The following DLGAP1 variants were observed in gnomAD, a reference collection of about 807,000 sequenced individuals.
The protein encoded by DLGAP1 is disks large-associated protein 1.
DLGAP1 carries 11 observed loss-of-function variants against 90.8 expected under a neutral mutation model. The ratio of observed to expected loss-of-function variants is 0.12; its 90% CI spans 0.08 to 0.20. The LOEUF is 0.20. DLGAP1 is among the 10% of genes least tolerant of loss of function. DLGAP1 has a pLI of 1.00. For missense variants in DLGAP1, 1,050 were observed against 1,333.8 expected (o/e 0.79, Z 3.31); for synonymous variants, 558 against 540.7 (o/e 1.03, Z -0.44).
intron 9 of DLGAP1, among the ~76,000 whole-genome samples, chr18:3,535,246 G>GA (rs1209514323): frequency 6.6e-6 from 1 of 152,046 alleles, no homozygotes; most frequent in East Asian, 1.9e-4. Context: ...TTTATAGGTG[G>GA]AAAAGTGCTG....
intron 10 of DLGAP1, 42 bp downstream of exon 10, chr18:3,534,152 C>T (rs767689981): frequency 2.7e-5 from 43 of 1,579,462 alleles, no homozygotes; most frequent in Non-Finnish European, 3.6e-5. Flanking sequence ...AAAGCAACCC[C>T]AGCCCCAGGG....
chr18:4,157,871 A>G (rs1350617339), intron 1 of DLGAP1, among the ~76,000 whole-genome samples: 1 of 152,168 alleles, frequency 6.6e-6, no homozygotes, highest in Non-Finnish European at 1.5e-5. Flanking sequence ...TGGAACCAGA[A>G]CTTCCTTCAA....
At chr18:3,502,689 T>C (rs1261874548) in intron 11 of DLGAP1, 44 bp from the exon 12 acceptor site, 1 of 1,582,238 alleles carries the variant, frequency 6.3e-7, no homozygotes, top group Non-Finnish European at 8.6e-7. Context: ...GAAGCAATTC[T>C]TGACAAGCAC....
intron 7 of DLGAP1, among the ~76,000 whole-genome samples, chr18:3,700,758 C>T (rs1465154170): frequency 6.6e-6 from 1 of 152,030 alleles, no homozygotes; most frequent in African/African-American, 2.4e-5. Context: ...TACAGGCGCC[C>T]ACCACCACGC....
chr18:3,737,176 G>A (rs1453290985), intron 6 of DLGAP1, among the ~76,000 whole-genome samples: 2 of 148,682 alleles, frequency 1.3e-5, no homozygotes, highest in Admixed American at 6.7e-5. Context: ...ATTCACAGCC[G>A]AATTCTACCA....
chr18:3,584,653 T>C lies in DLGAP1; in HGVS notation c.1592-2405A>G, dbSNP rs149115442. ...CTGGGATGGGGAAAGACAAGGTGCA[T>C]GACATAGAGGCAGTCACCCCTCATT... On this transcript the variant is annotated intron_variant, in intron 7 of 12. Transcript: ENST00000315677. Among the ~76,000 whole-genome samples the C allele has an allele frequency of 5.6e-3, 856 of 152,208 alleles. 8 individuals are homozygous for C. The highest frequency in any genetic ancestry group is 0.019 in the African/African-American group (805 of 41,528).
chr18:4,022,841 C>T (rs2149115469), intron 2 of DLGAP1, among the ~76,000 whole-genome samples: 1 of 122,748 alleles, frequency 8.1e-6, no homozygotes, highest in South Asian at 2.6e-4. Context: ...ATATCTTCAC[C>T]AGCATTTGAT....
At chr18:4,352,602 C>G (rs920005893) in intron 1 of DLGAP1, among the ~76,000 whole-genome samples, 2 of 152,088 alleles carry the variant, frequency 1.3e-5, no homozygotes, top group African/African-American at 4.8e-5. Flanking sequence ...CATCTTCTAG[C>G]AGTCAAACAA....
At chr18:4,018,314 A>G (rs1031047112) in intron 2 of DLGAP1, among the ~76,000 whole-genome samples, 4 of 152,206 alleles carry the variant, frequency 2.6e-5, no homozygotes, top group African/African-American at 9.7e-5. Context: ...GCCCAAACTG[A>G]AGCAGTGGGG....
chr18:3,660,392 C>T lies in DLGAP1; in HGVS notation c.1591+68743G>A, dbSNP rs115598842. ...CATCTGCGTCCTTGTTTACCTCTGT[C>T]CTCCTCATTAGAATATAATCAGAAG... On this transcript the variant is annotated intron_variant, in intron 7 of 12. Coordinates refer to ENST00000315677, the MANE Select transcript of DLGAP1 (RefSeq NM_004746.4). The surrounding 1 kb of genome is among the most constrained non-coding windows in gnomAD (Gnocchi z 4.2). 9.1e-3 allele frequency among the ~76,000 whole-genome samples: 1,392 copies of T among 152,316 alleles called. 25 individuals carry two copies. The highest frequency in any genetic ancestry group is 0.031 in the African/African-American group (1,294 of 41,554).
Position 3,957,470 on chromosome 18 carries a change from G to A in DLGAP1, c.-73+47646C>T, listed in dbSNP as rs781375235. ...TGGTAATTTGTTATAGCAGCACTAG[G>A]AAATTAATACACTTACATTCAGGGG... On this transcript the variant is annotated intron_variant, in intron 3 of 12. Transcript: ENST00000315677. Among the ~76,000 whole-genome samples the A allele has an allele frequency of 1.2e-4, 18 of 152,146 alleles. 1 individual carries two copies. Among genetic ancestry groups the A allele is most frequent in the Non-Finnish European group, 2.2e-4 (15 of 68,034 alleles).
intron 1 of DLGAP1, 106 bp from the exon 2 acceptor site, chr18:4,151,393 C>G (rs527484371): frequency 6.6e-6 from 1 of 152,178 alleles, no homozygotes; most frequent in Admixed American, 6.5e-5. Context: ...ATATTCAATG[C>G]TGTTAAGAAG....
intron 2 of DLGAP1, among the ~76,000 whole-genome samples, chr18:4,129,843 T>C (rs1001917828): frequency 1.3e-5 from 2 of 152,160 alleles, no homozygotes; most frequent in African/African-American, 4.8e-5. Context: ...ATATATAAAA[T>C]AATGTCTCAA....
intron 1 of DLGAP1, among the ~76,000 whole-genome samples, chr18:4,418,028 GAAAAC>G (rs1045663635): frequency 2.6e-5 from 4 of 152,116 alleles, no homozygotes; most frequent in Admixed American, 2.6e-4. Flanking sequence ...AGCATTGAGA[GAAAAC>G]AAAACAAAAC....
chr18:3,663,713 T>C (rs1429659164), intron 7 of DLGAP1, among the ~76,000 whole-genome samples: 1 of 152,170 alleles, frequency 6.6e-6, no homozygotes, highest in Middle Eastern at 3.2e-3. Flanking sequence ...CTCCCAGCCA[T>C]TGAAATGAAG....
At chr18:3,950,301 A>G (rs2072958673) in intron 3 of DLGAP1, among the ~76,000 whole-genome samples, 1 of 152,192 alleles carries the variant, frequency 6.6e-6, no homozygotes, top group African/African-American at 2.4e-5. Flanking sequence ...TGCTGGAATG[A>G]TGTTTTCTCT....
intron 1 of DLGAP1, among the ~76,000 whole-genome samples, chr18:4,195,196 C>G (rs1439054578): frequency 6.6e-6 from 1 of 152,156 alleles, no homozygotes; most frequent in Non-Finnish European, 1.5e-5. Flanking sequence ...AATTTTGTCT[C>G]TGTGCACTTG....
At chr18:3,736,414 T>C (rs1210578070) in intron 6 of DLGAP1, among the ~76,000 whole-genome samples, 1 of 152,148 alleles carries the variant, frequency 6.6e-6, no homozygotes, top group Non-Finnish European at 1.5e-5. Flanking sequence ...CTGCTGTGAG[T>C]AATAAATGAC....
chr18:4,026,330 T>C (rs2074698525), intron 2 of DLGAP1, among the ~76,000 whole-genome samples: 1 of 152,182 alleles, frequency 6.6e-6, no homozygotes, highest in Non-Finnish European at 1.5e-5. Context: ...TATTCTAAAA[T>C]GCCATTCTGA....
Sources: gnomAD v4.1 joint callset for allele counts (sites outside exome capture counted in the v4.1 genomes callset) on GRCh38, gnomAD v4.1.1 for gene constraint, Gnocchi (gnomAD v3.1) non-coding constraint, MANE v1.5 for transcripts, NCBI Gene and HGNC (gene_info 2026-07-23, HGNC 2026-07-21) for gene names.